Variants in GSG1L observed in about 807,000 individuals in gnomAD.
GSG1L encodes germ cell-specific gene 1-like protein.
GSG1L carries 24 observed loss-of-function variants against 42.1 expected under a neutral mutation model. The ratio of observed to expected loss-of-function variants is 0.57; its 90% CI spans 0.41 to 0.80. The LOEUF is 0.80. Ranked by LOEUF, GSG1L falls within the 30% of genes least tolerant of loss-of-function variation. The pLI is 0.00. For missense variants in GSG1L, 445 were observed against 472.2 expected, an observed-to-expected ratio of 0.94 and a Z score of 0.53; for synonymous variants, 215 against 203.5, an observed-to-expected ratio of 1.06 and a Z score of -0.48.
chr16:27,836,652 G>C (rs1202101325), intron 4 of GSG1L, among the ~76,000 whole-genome samples: 2 of 151,974 alleles, frequency 1.3e-5, no homozygotes, highest in Non-Finnish European at 2.9e-5. Flanking sequence ...CCCAACCATT[G>C]AGCTTTCTAT....
intron 5 of GSG1L, among the ~76,000 whole-genome samples, chr16:27,820,636 G>A (rs913729189): frequency 1.1e-4 from 17 of 152,178 alleles, no homozygotes; most frequent in African/African-American, 3.6e-4. Context: ...CCTTCCCTGT[G>A]CACAAACCAC....
chr16:27,971,791 A>T (rs893885886), intron 1 of GSG1L, among the ~76,000 whole-genome samples: 2 of 152,090 alleles, frequency 1.3e-5, no homozygotes, highest in Non-Finnish European at 2.9e-5. Flanking sequence ...TTTTTAATAT[A>T]TGCCCTCTGT....
chr16:27,791,538 C>T, intron 6 of GSG1L, 71 bp from the exon 7 acceptor site: 1 of 986,258 alleles, frequency 1.0e-6, no homozygotes, highest in Non-Finnish European at 1.4e-6. Flanking sequence ...CCCACCGCCC[C>T]CCACCCACAC....
At chr16:28,008,217 C>T (rs2085668290) in intron 1 of GSG1L, among the ~76,000 whole-genome samples, 2 of 152,010 alleles carry the variant, frequency 1.3e-5, no homozygotes, top group Admixed American at 6.6e-5. Flanking sequence ...GTAGCTGGGA[C>T]TACAGGTGTG....
At chr16:27,974,495 T>C (rs1458373714) in intron 1 of GSG1L, among the ~76,000 whole-genome samples, 1 of 152,188 alleles carries the variant, frequency 6.6e-6, no homozygotes, top group Non-Finnish European at 1.5e-5. Flanking sequence ...CTTGCTATTC[T>C]GGGGAGTGGA....
At chr16:27,857,252 C>A (rs1326769906) in intron 3 of GSG1L, among the ~76,000 whole-genome samples, 2 of 151,966 alleles carry the variant, frequency 1.3e-5, no homozygotes, top group Admixed American at 6.6e-5. Flanking sequence ...CATGGTGAAA[C>A]CCCATCTCTA....
In GSG1L at chr16:27,901,067, G is replaced by A. The variant is rs1011253381; in HGVS notation, c.398-16429C>T. ...TCCTCAAACCCGGGAGGTGGAGATT[G>A]CAGTGAGCTGAGATCACACCACTGC... On this transcript the variant is annotated intron_variant, in intron 2 of 6. Coordinates refer to ENST00000447459, the MANE Select transcript of GSG1L (RefSeq NM_001109763.2). Among the ~76,000 whole-genome samples, 19 of 152,206 alleles carry A rather than the reference G, an allele frequency of 1.2e-4. 2 individuals carry two copies. The highest frequency in any genetic ancestry group is 1.1e-3 in the Admixed American group (17 of 15,278).
intron 3 of GSG1L, among the ~76,000 whole-genome samples, chr16:27,882,940 TA>T (rs201507337): frequency 5.6e-4 from 85 of 151,846 alleles, no homozygotes; most frequent in African/African-American, 1.9e-3. Flanking sequence ...ACCCTATCTC[TA>T]AAAAAAATTT....
At chr16:27,949,298 G>A (rs1037112029) in intron 2 of GSG1L, among the ~76,000 whole-genome samples, 4 of 152,154 alleles carry the variant, frequency 2.6e-5, no homozygotes, top group Non-Finnish European at 4.4e-5. Flanking sequence ...AGATATTACT[G>A]CTCAGGATGA....
intron 1 of GSG1L, among the ~76,000 whole-genome samples, chr16:27,982,331 A>C (rs2085334840): frequency 6.6e-6 from 1 of 152,176 alleles, no homozygotes; most frequent in East Asian, 1.9e-4. Context: ...GTGCCATTGC[A>C]CTCAGCCCAG....
At chr16:27,820,084 C>T (rs1264894161) in intron 5 of GSG1L, among the ~76,000 whole-genome samples, 1 of 152,038 alleles carries the variant, frequency 6.6e-6, no homozygotes. Context: ...AGCAGAGCCA[C>T]TTATGGAGGG....
intron 2 of GSG1L, among the ~76,000 whole-genome samples, chr16:27,917,099 G>A (rs1205494507): frequency 6.6e-6 from 1 of 152,182 alleles, no homozygotes; most frequent in East Asian, 1.9e-4. Flanking sequence ...AGTGAGGTGG[G>A]AATTCTGGTC....
intron 3 of GSG1L, among the ~76,000 whole-genome samples, chr16:27,877,327 G>A (rs2083900265): frequency 6.6e-6 from 1 of 152,064 alleles, no homozygotes; most frequent in Non-Finnish European, 1.5e-5. Flanking sequence ...GGGCACTTTT[G>A]CCATCGTAGA....
At chr16:27,942,625 T>C (rs1213098294) in intron 2 of GSG1L, among the ~76,000 whole-genome samples, 1 of 152,192 alleles carries the variant, frequency 6.6e-6, no homozygotes, top group Non-Finnish European at 1.5e-5. Flanking sequence ...AGGCACTTCA[T>C]GCAAGAGAAG....
chr16:27,977,564 A>G (rs1395255554), intron 1 of GSG1L, among the ~76,000 whole-genome samples: 1 of 150,464 alleles, frequency 6.6e-6, no homozygotes, highest in Non-Finnish European at 1.5e-5. Context: ...TGCCTCAAAA[A>G]AAAAAAAAAA....
chr16:27,940,979 C>A (rs141588731), intron 2 of GSG1L, among the ~76,000 whole-genome samples: 256 of 151,812 alleles, frequency 1.7e-3, no homozygotes, highest in African/African-American at 5.8e-3. Context: ...GGATATTTAC[C>A]TTAAACCATC....
intron 5 of GSG1L, among the ~76,000 whole-genome samples, chr16:27,828,575 G>C (rs2083239520): frequency 6.6e-6 from 1 of 152,198 alleles, no homozygotes; most frequent in Non-Finnish European, 1.5e-5. Flanking sequence ...GATCACATAA[G>C]CCCAAGGCAA....
chr16:27,833,805 C>A (rs1385939351), intron 4 of GSG1L, among the ~76,000 whole-genome samples: 8 of 152,122 alleles, frequency 5.3e-5, no homozygotes, highest in Non-Finnish European at 1.2e-4. Context: ...TAAGACAACA[C>A]TAAACTTATT....
intron 1 of GSG1L, among the ~76,000 whole-genome samples, chr16:28,038,451 C>T (rs2086065654): frequency 6.6e-6 from 1 of 152,190 alleles, no homozygotes; most frequent in Non-Finnish European, 1.5e-5. Flanking sequence ...TTGAGGCTGC[C>T]CCTCTGGAGG....
Sources: gnomAD v4.1 joint callset for allele counts (sites outside exome capture counted in the v4.1 genomes callset) on GRCh38, gnomAD v4.1.1 for gene constraint, MANE v1.5 for transcripts, NCBI Gene and HGNC (gene_info 2026-07-23, HGNC 2026-07-21) for gene names.